Variants in NAV3 observed in about 807,000 individuals in gnomAD.
NAV3 encodes pore membrane and/or filament interacting like protein 1.
A neutral mutation model predicts 244.7 loss-of-function variants in NAV3; 87 were observed. That is an observed-to-expected ratio of 0.36 (90% CI 0.30 to 0.42). The LOEUF is 0.42. Among genes scored for constraint, NAV3 ranks in the 20% least tolerant of loss-of-function variants. The pLI, the probability that NAV3 is intolerant of heterozygous loss-of-function variation, is 1.00. For missense variants in NAV3, 2,663 were observed against 2,893.3 expected (o/e 0.92, Z 1.83); for synonymous variants, 1,126 against 1,042.2 (o/e 1.08, Z -1.55).
At chr12:78,078,849 T>C (rs902776482) in intron 12 of NAV3, among the ~76,000 whole-genome samples, 1 of 152,298 alleles carries the variant, frequency 6.6e-6, no homozygotes, top group Middle Eastern at 3.4e-3. Flanking sequence ...CAGAAGATAA[T>C]GTGGCATAGT....
Position 78,137,274 on chromosome 12 carries a change from T to C in NAV3, c.4539T>C (p.Asp1513=). ...PAQDSSFDLY[D]DSQLCGSATS... ...AAGACTCTTCCTTCGATCTCTATGA[T>C]GACTCCCAGCTTTGTGGGAGTGCCA... is the stretch of plus-strand genomic sequence containing the variant. Residue 1513 remains aspartate, a synonymous_variant, in exon 19 of 40, where the codon GAT becomes GAC. Transcript: ENST00000397909. The C allele has an allele frequency of 6.2e-7, 1 of 1,613,830 alleles. No homozygotes were observed. Among genetic ancestry groups the C allele is most frequent in the Non-Finnish European group, 8.5e-7 (1 of 1,179,794 alleles).
At chr12:77,974,680 T>A (rs1372942180) in intron 5 of NAV3, among the ~76,000 whole-genome samples, 1 of 152,166 alleles carries the variant, frequency 6.6e-6, no homozygotes, top group Non-Finnish European at 1.5e-5. Flanking sequence ...GTCAAGCAAG[T>A]ATGGGTTGGA....
In NAV3 at chr12:78,181,095, C is replaced by T. The variant is rs146514723; in HGVS notation, c.5692+50C>T. The T allele has an allele frequency of 5.1e-5, 79 of 1,553,826 alleles. No individual in the cohort carries two copies. The Middle Eastern group carries it at 1.2e-3, about 24-fold the overall frequency. ...GAATCACAGCATACCCATGAGTTAA[C>T]GGGTGGGAAGCCTGGAATTTGGAGA... is the stretch of plus-strand genomic sequence containing the variant. On this transcript the variant is annotated intron_variant, in intron 30 of 39. Coordinates refer to ENST00000397909, the MANE Select transcript of NAV3 (RefSeq NM_001024383.2).
chr12:77,585,928 C>T (rs906100491), intron 2 of NAV3, among the ~76,000 whole-genome samples: 3 of 152,136 alleles, frequency 2.0e-5, no homozygotes, highest in Non-Finnish European at 2.9e-5. Flanking sequence ...TTTGGGAGGC[C>T]GAGGCAGAAG....
chr12:77,696,074 C>T (rs928117732), intron 2 of NAV3, among the ~76,000 whole-genome samples: 1 of 152,126 alleles, frequency 6.6e-6, no homozygotes, highest in Non-Finnish European at 1.5e-5. Flanking sequence ...AGATTAGCTA[C>T]TAAATCTTAC....
At chr12:77,646,397 G>T (rs1257236930) in intron 2 of NAV3, among the ~76,000 whole-genome samples, 1 of 152,138 alleles carries the variant, frequency 6.6e-6, no homozygotes, top group Non-Finnish European at 1.5e-5. Flanking sequence ...GAAGTTTTCT[G>T]TTGAGCCCTT....
intron 8 of NAV3, 43 bp downstream of exon 8, chr12:78,007,488 A>AACT: frequency 6.4e-7 from 1 of 1,566,678 alleles, no homozygotes; most frequent in Non-Finnish European, 8.7e-7. Context: ...ATATATTTAC[A>AACT]GGCCTACATA....
intron 39 of NAV3, among the ~76,000 whole-genome samples, chr12:78,205,450 G>A (rs1960199190): frequency 6.6e-6 from 1 of 151,630 alleles, no homozygotes; most frequent in South Asian, 2.1e-4. Flanking sequence ...AATTCAATAG[G>A]CATTTAAGAG....
At chr12:77,958,671 A>G (rs1032633144) in intron 3 of NAV3, among the ~76,000 whole-genome samples, 1 of 152,202 alleles carries the variant, frequency 6.6e-6, no homozygotes, top group African/African-American at 2.4e-5. Context: ...GACTAGATCT[A>G]GCTCTCAGAA....
intron 23 of NAV3, among the ~76,000 whole-genome samples, chr12:78,168,262 A>C (rs1957861619): frequency 6.6e-6 from 1 of 151,780 alleles, no homozygotes; most frequent in South Asian, 2.1e-4. Context: ...CAGGTTTTAC[A>C]CTTAAATACA....
chr12:77,579,566 G>A (rs1005616732), intron 2 of NAV3, among the ~76,000 whole-genome samples: 4 of 152,118 alleles, frequency 2.6e-5, no homozygotes, highest in African/African-American at 7.2e-5. Flanking sequence ...AACCATGAGG[G>A]TGGAGCCCTC....
At position 77,762,608 on chromosome 12, in the gene NAV3, GA is replaced by G. The variant is rs564377366; in HGVS notation, c.73-177700del. 6.1e-3 allele frequency among the ~76,000 whole-genome samples: 876 copies of G among 144,560 alleles called. 11 individuals carry two copies. Among genetic ancestry groups the G allele is most frequent in the Middle Eastern group, 0.021 (6 of 288 alleles). The allele number at this position is 144,560 out of a possible 152,430, so 94.8% of individuals were successfully genotyped here. Reference sequence around the variant, plus strand: ...CAGAGTGAGACTCCGCCTCAAAAAAGAAAAAAAAAAATTAAAAAGATGACTA... The same window carrying G: ...CAGAGTGAGACTCCGCCTCAAAAAAGAAAAAAAAAATTAAAAAGATGACTA... On this transcript the variant is annotated intron_variant, in intron 2 of 8. Transcript: ENST00000550042.
chr12:77,598,546 G>A (rs1477431702), intron 2 of NAV3, among the ~76,000 whole-genome samples: 2 of 151,922 alleles, frequency 1.3e-5, no homozygotes, highest in African/African-American at 2.4e-5. Flanking sequence ...ATTTTAGCTT[G>A]ATTGACTTTA....
At chr12:77,767,291 G>A (rs1163409327) in intron 2 of NAV3, among the ~76,000 whole-genome samples, 2 of 152,212 alleles carry the variant, frequency 1.3e-5, no homozygotes, top group Admixed American at 6.5e-5. Flanking sequence ...CAAATGTGAT[G>A]TATGATGGAT....
chr12:77,770,315 G>A (rs905069901), intron 2 of NAV3, among the ~76,000 whole-genome samples: 7 of 152,162 alleles, frequency 4.6e-5, no homozygotes, highest in African/African-American at 1.7e-4. Context: ...CAATCTTAGA[G>A]GTATAGCACT....
intron 2 of NAV3, among the ~76,000 whole-genome samples, chr12:77,719,741 TGAC>T (rs1362297797): frequency 2.0e-5 from 3 of 152,150 alleles, no homozygotes; most frequent in African/African-American, 7.2e-5. Flanking sequence ...TCAGTGATAA[TGAC>T]CTGTAGTATT....
intron 2 of NAV3, among the ~76,000 whole-genome samples, chr12:77,627,348 T>C (rs1193935824): frequency 2.6e-5 from 4 of 152,136 alleles, no homozygotes; most frequent in Non-Finnish European, 5.9e-5. Flanking sequence ...AAAATACTTT[T>C]TATAAAGATG....
intron 9 of NAV3, among the ~76,000 whole-genome samples, chr12:78,049,091 G>A (rs1371468837): frequency 6.6e-6 from 1 of 152,134 alleles, no homozygotes; most frequent in African/African-American, 2.4e-5. Flanking sequence ...AGGGTCCCAG[G>A]TGTCCTTCAG....
intron 8 of NAV3, among the ~76,000 whole-genome samples, chr12:78,016,209 G>A (rs1417488998): frequency 1.3e-5 from 2 of 151,626 alleles, no homozygotes; most frequent in Non-Finnish European, 1.5e-5. Flanking sequence ...TTGCTCCTAG[G>A]TTTTCTTGGT....
Sources: allele counts gnomAD v4.1 joint callset (sites outside exome capture counted in the v4.1 genomes callset), GRCh38; gene constraint gnomAD v4.1.1; transcripts MANE v1.5; gene names NCBI Gene and HGNC (gene_info 2026-07-23, HGNC 2026-07-21).